IL31RA: variants seen among roughly 807,000 people sequenced by gnomAD.
IL31RA encodes the protein interleukin-31 receptor subunit alpha.
Under a neutral mutation model 83.7 loss-of-function variants are expected in IL31RA, and 66 were observed. The ratio of observed to expected loss-of-function variants is 0.79; its 90% confidence interval spans 0.65 to 0.97. IL31RA has a LOEUF of 0.97. Among genes scored for constraint, IL31RA ranks in the 50% least tolerant of loss-of-function variants. The pLI is 0.00. For missense variants in IL31RA, 798 were observed against 919.4 expected (o/e 0.87, Z 1.71); for synonymous variants, 325 against 329.0 (o/e 0.99, Z 0.13).
intron 2 of IL31RA, among the ~76,000 whole-genome samples, chr5:55,867,123 T>TGCA (rs1561542884): frequency 1.1e-5 from 1 of 88,764 alleles, no homozygotes; most frequent in Admixed American, 1.1e-4. Flanking sequence ...ATGTGTGTGT[T>TGCA]TGTGTGTGTG....
At chr5:55,853,322 T>C in intron 1 of IL31RA, 3 of 1,239,900 alleles carry the variant, frequency 2.4e-6, no homozygotes, top group Non-Finnish European at 3.0e-6. Flanking sequence ...TTGTTTTTAG[T>C]TAACAATAAT....
chr5:55,877,797 T>C (rs1746950968), intron 4 of IL31RA, among the ~76,000 whole-genome samples: 1 of 152,218 alleles, frequency 6.6e-6, no homozygotes, highest in South Asian at 2.1e-4. Context: ...TAATGTGTCT[T>C]AGTGTGGGTC....
At chr5:55,855,618 TC>T (rs1745311891) in intron 1 of IL31RA, among the ~76,000 whole-genome samples, 1 of 152,176 alleles carries the variant, frequency 6.6e-6, no homozygotes, top group South Asian at 2.1e-4. Context: ...CTGTGAAGTA[TC>T]CATTTTATGG....
At chr5:55,908,669 G>A (rs1749314365) in intron 11 of IL31RA, 2 of 1,512,922 alleles carry the variant, frequency 1.3e-6, no homozygotes, top group Admixed American at 2.1e-5. Context: ...ATTTGTCCTG[G>A]TTAGGCCCTG....
chr5:55,842,721 C>T, the IL31RA span, among the ~76,000 whole-genome samples: 7 of 152,262 alleles, frequency 4.6e-5, no homozygotes, highest in South Asian at 1.5e-3. Context: ...TGGACTTTTC[C>T]TGGGTGGGGC....
In IL31RA at chr5:55,917,426, C is replaced by A; in HGVS notation, c.*306C>A. The A allele has an allele frequency of 1.1e-6, 1 of 879,426 alleles. No homozygotes were observed. Among genetic ancestry groups the A allele is most frequent in the Non-Finnish European group, 1.5e-6 (1 of 655,258 alleles). 54.5% of individuals were successfully genotyped at this position (879,426 alleles called of 1,614,324 possible). ...TTGAAGGAAGGGCCCAGGTTCTGAGCCCAAAGGACCCCCAGGGTGGACATA... is the reference window on the plus strand; with the variant it reads ...TTGAAGGAAGGGCCCAGGTTCTGAGACCAAAGGACCCCCAGGGTGGACATA... On this transcript the variant is annotated 3_prime_UTR_variant, in exon 15 of 15. Coordinates refer to ENST00000652347, the MANE Select transcript of IL31RA (RefSeq NM_139017.7).
intron 1 of IL31RA, among the ~76,000 whole-genome samples, chr5:55,852,866 T>C (rs1170983774): frequency 6.6e-6 from 1 of 152,208 alleles, no homozygotes; most frequent in African/African-American, 2.4e-5. Context: ...TCCTTGCCTA[T>C]AAAGTGGGAA....
At chr5:55,856,830 T>C (rs183238345) in intron 1 of IL31RA, among the ~76,000 whole-genome samples, 92 of 152,328 alleles carry the variant, frequency 6.0e-4, no homozygotes, top group Admixed American at 2.2e-3. Flanking sequence ...TAACCATCAA[T>C]ATTTTACATT....
intron 2 of IL31RA, among the ~76,000 whole-genome samples, chr5:55,865,672 C>A (rs1359265086): frequency 6.6e-6 from 1 of 152,102 alleles, no homozygotes; most frequent in African/African-American, 2.4e-5. Flanking sequence ...AATGGAACAT[C>A]CCTATTTTCT....
chr5:55,890,512 G>C (rs866750274), intron 6 of IL31RA, among the ~76,000 whole-genome samples: 3 of 152,282 alleles, frequency 2.0e-5, no homozygotes, highest in African/African-American at 7.2e-5. Context: ...TGGGATTACA[G>C]GGGCCCACGA....
chr5:55,847,253 AAAT>A (rs1744955436), upstream of IL31RA, among the ~76,000 whole-genome samples: 2 of 90,944 alleles, frequency 2.2e-5, no homozygotes, highest in African/African-American at 3.3e-5. Flanking sequence ...AAAAATAAAT[AAAT>A]AAATAAATAA....
At chr5:55,911,689 T>C (rs184614768) in intron 12 of IL31RA, among the ~76,000 whole-genome samples, 1 of 151,976 alleles carries the variant, frequency 6.6e-6, no homozygotes, top group Non-Finnish European at 1.5e-5. Context: ...GGAAGGAGAA[T>C]GGGAGAAACA....
intron 11 of IL31RA, 125 bp from the exon 12 acceptor site, chr5:55,910,406 AG>A: frequency 1.0e-6 from 1 of 963,998 alleles, no homozygotes; most frequent in Admixed American, 1.9e-5. Context: ...GGACATGAAT[AG>A]GGGTCAGAAT....
intron 4 of IL31RA, among the ~76,000 whole-genome samples, chr5:55,876,727 G>A (rs1283843907): frequency 6.6e-6 from 1 of 151,910 alleles, no homozygotes; most frequent in Non-Finnish European, 1.5e-5. Flanking sequence ...GTTAGTCTTT[G>A]TAGATAGCAT....
intron 4 of IL31RA, among the ~76,000 whole-genome samples, chr5:55,882,135 T>A (rs1435096668): frequency 6.6e-6 from 1 of 152,182 alleles, no homozygotes; most frequent in Admixed American, 6.5e-5. Flanking sequence ...AGCGTGACAA[T>A]GGTCTGAGCA....
At position 55,903,757 on chromosome 5, in the gene IL31RA, G is replaced by A. The variant is rs1216895428; in HGVS notation, c.1070-2349G>A. On this transcript the variant is annotated intron_variant, in intron 8 of 14. Coordinates refer to ENST00000652347, the MANE Select transcript of IL31RA (RefSeq NM_139017.7). The surrounding 1 kb of genome is among the most constrained non-coding windows in gnomAD (Gnocchi z 4.7). Reference sequence around the variant, plus strand: ...AAAGTGCCTCCAGGGAGATGAGGAAGCTGCAGAAGCAGGCCAGGACAGGGC... The same window carrying A: ...AAAGTGCCTCCAGGGAGATGAGGAAACTGCAGAAGCAGGCCAGGACAGGGC... 1.3e-5 allele frequency among the ~76,000 whole-genome samples: 2 copies of A among 152,224 alleles called. No homozygotes were observed. Among genetic ancestry groups the A allele is most frequent in the Non-Finnish European group, 2.9e-5 (2 of 68,052 alleles).
Position 55,872,410 on chromosome 5 carries a change from T to C in IL31RA, c.413T>C (p.Val138Ala), listed in dbSNP as rs769522205. The change falls in exon 4 of 15, where the codon GTA (valine) becomes GCA (alanine). Residue 138 changes from valine to alanine, a missense_variant. By Grantham distance (64) the Val-to-Ala change is moderately conservative. Coordinates refer to ENST00000652347, the MANE Select transcript of IL31RA (RefSeq NM_139017.7). ...IEVEAENGDG[V>A]IKSHMTYWRL... ...GTGGAAGCTGAAAATGGAGATGGTG[T>C]AATTAAATCTCATATGACATACTGG... 1 of 1,610,300 alleles carries C rather than the reference T, an allele frequency of 6.2e-7. No homozygotes were observed. Among genetic ancestry groups the C allele is most frequent in the South Asian group, 1.1e-5 (1 of 90,998 alleles).
At chr5:55,872,729 T>C (rs1746607504) in intron 4 of IL31RA, among the ~76,000 whole-genome samples, 1 of 151,968 alleles carries the variant, frequency 6.6e-6, no homozygotes, top group Non-Finnish European at 1.5e-5. Context: ...TAGTTTGTAA[T>C]TGCACTCAAA....
rs1433641567 is a variant in IL31RA, at chr5:55,922,574, TG to T, written c.*5456del. The T allele has an allele frequency of 1.5e-6, 1 of 659,776 alleles. No individual in the cohort carries two copies. The highest frequency in any genetic ancestry group is 1.8e-5 in the African/African-American group (1 of 55,082). 40.9% of individuals were successfully genotyped at this position (659,776 alleles called of 1,614,324 possible). On this transcript the variant is annotated 3_prime_UTR_variant, in exon 15 of 15. Coordinates refer to ENST00000652347, the MANE Select transcript of IL31RA (RefSeq NM_139017.7). ...CTGGGTATGTGGTCTTTTCCACACA[TG>T]GACCACCTACGGATGCAATCTGTAA...
Sources: gnomAD v4.1 joint callset for allele counts (sites outside exome capture counted in the v4.1 genomes callset) on GRCh38, gnomAD v4.1.1 for gene constraint, Gnocchi (gnomAD v3.1) non-coding constraint, MANE v1.5 for transcripts, NCBI Gene and HGNC (gene_info 2026-07-23, HGNC 2026-07-21) for gene names.